The following CNTN5 variants were observed in gnomAD, a reference collection of about 807,000 sequenced individuals.
CNTN5 encodes the protein contactin-5.
Under a neutral mutation model 129.1 loss-of-function variants are expected in CNTN5, and 77 were observed. The observed-to-expected ratio is 0.60, with a 90% CI of 0.50 to 0.72. The LOEUF is 0.72. Ranked by LOEUF, CNTN5 falls within the 30% of genes least tolerant of loss-of-function variation. The pLI, the probability that CNTN5 is intolerant of heterozygous loss-of-function variation, is 0.00. For missense variants in CNTN5, 1,478 were observed against 1,328.8 expected (o/e 1.11, Z -1.75); for synonymous variants, 509 against 465.6 (o/e 1.09, Z -1.20).
chr11:99,891,939 T>C (rs1167953752), intron 6 of CNTN5, among the ~76,000 whole-genome samples: 1 of 152,136 alleles, frequency 6.6e-6, no homozygotes, highest in African/African-American at 2.4e-5. Flanking sequence ...TAATTTACAC[T>C]CCCAACAACA....
chr11:100,252,282 A>T (rs1949978610), intron 16 of CNTN5, among the ~76,000 whole-genome samples: 1 of 152,062 alleles, frequency 6.6e-6, no homozygotes, highest in African/African-American at 2.4e-5. Flanking sequence ...TGCTGTTGAA[A>T]TGTTTGAGTT....
chr11:99,486,856 C>T (rs978208159), intron 2 of CNTN5, among the ~76,000 whole-genome samples: 4 of 151,916 alleles, frequency 2.6e-5, no homozygotes, highest in Non-Finnish European at 1.5e-5. Context: ...TCTTACTACA[C>T]AAAAGAGATT....
intron 2 of CNTN5, among the ~76,000 whole-genome samples, chr11:99,549,753 T>C (rs1389785): frequency 0.074 from 11,251 of 152,156 alleles, 1,022 homozygotes; most frequent in East Asian, 0.46. Context: ...TGTGGAGTCG[T>C]GAGCCATAGT....
intron 1 of CNTN5, chr11:99,049,872 C>A (rs1345498431): frequency 6.6e-6 from 1 of 152,050 alleles, no homozygotes; most frequent in Non-Finnish European, 1.5e-5. Flanking sequence ...TTTGTTACAG[C>A]CTTACATGAC....
intron 2 of CNTN5, among the ~76,000 whole-genome samples, chr11:99,522,062 G>C (rs1391354414): frequency 6.6e-6 from 1 of 152,096 alleles, no homozygotes; most frequent in Non-Finnish European, 1.5e-5. Context: ...GGGCCACAGA[G>C]GAAAACTGGA....
At chr11:99,592,822 G>T (rs1350550007) in intron 3 of CNTN5, among the ~76,000 whole-genome samples, 2 of 152,132 alleles carry the variant, frequency 1.3e-5, no homozygotes, top group Non-Finnish European at 2.9e-5. Context: ...GGAAGAATGT[G>T]AGGAGGTGAA....
intron 3 of CNTN5, among the ~76,000 whole-genome samples, chr11:99,763,895 G>A (rs982842825): frequency 1.1e-4 from 16 of 152,062 alleles, no homozygotes; most frequent in Admixed American, 6.6e-4. Flanking sequence ...GAGAATGTTA[G>A]TTCAGTAAGA....
At chr11:100,316,446 T>C (rs1951573960) in intron 21 of CNTN5, among the ~76,000 whole-genome samples, 1 of 152,112 alleles carries the variant, frequency 6.6e-6, no homozygotes, top group Non-Finnish European at 1.5e-5. Flanking sequence ...GTTGGAACAA[T>C]ATAATTCTCG....
chr11:99,069,563 C>A (rs1359022792), intron 1 of CNTN5, among the ~76,000 whole-genome samples: 4 of 152,026 alleles, frequency 2.6e-5, no homozygotes, highest in Non-Finnish European at 5.9e-5. Context: ...ATAGGTCAGT[C>A]CTTCCCATTG....
At chr11:99,993,196 G>A (rs1051680481) in intron 8 of CNTN5, among the ~76,000 whole-genome samples, 1 of 152,166 alleles carries the variant, frequency 6.6e-6, no homozygotes, top group African/African-American at 2.4e-5. Flanking sequence ...AGTGATTAAT[G>A]TAGTACATAT....
chr11:100,011,758 A>AACTTTTT (rs1478461992), intron 9 of CNTN5, among the ~76,000 whole-genome samples: 7 of 152,176 alleles, frequency 4.6e-5, no homozygotes, highest in African/African-American at 1.7e-4. Flanking sequence ...TACTGTAAAT[A>AACTTTTT]AAAAGCCACT....
intron 12 of CNTN5, 22 bp from the exon 13 acceptor site, chr11:100,074,122 C>A: frequency 6.2e-7 from 1 of 1,600,908 alleles, no homozygotes; most frequent in Non-Finnish European, 8.5e-7. Flanking sequence ...CTGGTAGAAA[C>A]TAACATTTGC....
chr11:100,029,399 G>A (rs939392629), intron 9 of CNTN5, among the ~76,000 whole-genome samples: 1 of 151,774 alleles, frequency 6.6e-6, no homozygotes, highest in Admixed American at 6.6e-5. Flanking sequence ...TGGCTAAGAC[G>A]GTGAAACCCC....
At chr11:99,959,516 C>T (rs1950887370) in intron 8 of CNTN5, among the ~76,000 whole-genome samples, 1 of 152,168 alleles carries the variant, frequency 6.6e-6, no homozygotes, top group East Asian at 1.9e-4. Flanking sequence ...TATTGAGAAT[C>T]ATTCCCTCCA....
At chr11:99,116,543 A>G (rs6589899) in intron 1 of CNTN5, among the ~76,000 whole-genome samples, 139,434 of 152,178 alleles carry the variant, frequency 0.92, 63,975 homozygotes, top group East Asian at 1. Flanking sequence ...CATGCAATTG[A>G]CCAACAAAAT....
chr11:99,544,167 A>G (rs189027029), intron 2 of CNTN5, among the ~76,000 whole-genome samples: 11 of 152,202 alleles, frequency 7.2e-5, no homozygotes, highest in Middle Eastern at 3.4e-3. Flanking sequence ...TGGAAGGTGA[A>G]GCAGGACCAA....
chr11:99,827,035 A>G (rs1019416621), intron 4 of CNTN5, among the ~76,000 whole-genome samples: 4 of 152,062 alleles, frequency 2.6e-5, no homozygotes, highest in Non-Finnish European at 4.4e-5. Flanking sequence ...ACATAGATAT[A>G]TTTGGTCAGA....
chr11:99,910,132 C>T (rs2135987555), intron 6 of CNTN5, among the ~76,000 whole-genome samples: 1 of 152,114 alleles, frequency 6.6e-6, no homozygotes. Context: ...CAAATCTTTT[C>T]TGCTGTGAGT....
At chr11:99,546,360 A>G (rs1948290694) in intron 2 of CNTN5, among the ~76,000 whole-genome samples, 1 of 152,196 alleles carries the variant, frequency 6.6e-6, no homozygotes, top group African/African-American at 2.4e-5. Context: ...AGGTTGCTTA[A>G]AAATACATAT....
Sources: allele counts gnomAD v4.1 joint callset (sites outside exome capture counted in the v4.1 genomes callset), GRCh38; gene constraint gnomAD v4.1.1; transcripts MANE v1.5; gene names NCBI Gene and HGNC (gene_info 2026-07-23, HGNC 2026-07-21).